The following NAV3 variants were observed in gnomAD, a reference collection of about 807,000 sequenced individuals.
NAV3 encodes pore membrane and/or filament interacting like protein 1.
NAV3 carries 87 observed loss-of-function variants against 244.7 expected under a neutral mutation model. That is an observed-to-expected ratio of 0.36 (90% CI 0.30 to 0.42). NAV3 has a LOEUF of 0.42. NAV3 is among the 20% of genes least tolerant of loss of function. The pLI, the probability that NAV3 is intolerant of heterozygous loss-of-function variation, is 1.00. For missense variants in NAV3, 2,663 were observed against 2,893.3 expected, an observed-to-expected ratio of 0.92 and a Z score of 1.83; for synonymous variants, 1,126 against 1,042.2, an observed-to-expected ratio of 1.08 and a Z score of -1.55.
At chr12:78,197,688 C>G (rs941101043) in intron 35 of NAV3, among the ~76,000 whole-genome samples, 1 of 151,790 alleles carries the variant, frequency 6.6e-6, no homozygotes, top group Non-Finnish European at 1.5e-5. Context: ...TAATATTATA[C>G]CACAGTTTTA....
intron 1 of NAV3, among the ~76,000 whole-genome samples, chr12:77,877,931 C>T (rs1882071244): frequency 6.6e-6 from 1 of 152,126 alleles, no homozygotes; most frequent in African/African-American, 2.4e-5. Flanking sequence ...AGGAAAGACA[C>T]TTTATCTCTG....
chr12:77,800,772 C>T (rs1438917969), intron 2 of NAV3, among the ~76,000 whole-genome samples: 2 of 152,052 alleles, frequency 1.3e-5, no homozygotes, highest in South Asian at 2.1e-4. Context: ...TTAGGAGATA[C>T]AGTTTTGTAA....
intron 2 of NAV3, among the ~76,000 whole-genome samples, chr12:77,743,512 T>TA (rs1263120918): frequency 1.3e-5 from 2 of 151,890 alleles, no homozygotes; most frequent in South Asian, 2.1e-4. Context: ...TATTCATAGA[T>TA]ACATCATTCA....
chr12:77,821,899 T>A (rs1366602103), intron 2 of NAV3, among the ~76,000 whole-genome samples: 1 of 152,122 alleles, frequency 6.6e-6, no homozygotes, highest in Non-Finnish European at 1.5e-5. Flanking sequence ...TAGGTTGCAT[T>A]TTTTTAGCAT....
chr12:77,741,148 C>CAAAAAAAAAAAAAAAAAAAAAAAAGAA, intron 2 of NAV3, among the ~76,000 whole-genome samples: 15 of 68,652 alleles, frequency 2.2e-4, no homozygotes, highest in Admixed American at 3.6e-4. Flanking sequence ...AAAAAAAAGA[C>CAAAAAAAAAAAAAAAAAAAAAAAAGAA]AAAAAAAAAA....
chr12:77,714,053 T>C (rs141335910), intron 2 of NAV3, among the ~76,000 whole-genome samples: 74 of 152,152 alleles, frequency 4.9e-4, no homozygotes, highest in African/African-American at 1.7e-3. Context: ...TTTTCTTAGC[T>C]TCTTCTGGGA....
chr12:77,879,667 C>T (rs889733633), intron 1 of NAV3, among the ~76,000 whole-genome samples: 3 of 96,038 alleles, frequency 3.1e-5, no homozygotes, highest in Admixed American at 1.7e-4. Context: ...GGCGAAAGAG[C>T]GAAGTGAAAC....
intron 2 of NAV3, among the ~76,000 whole-genome samples, chr12:77,818,599 C>T (rs1872610962): frequency 6.6e-6 from 1 of 152,018 alleles, no homozygotes. Context: ...ACATACTTTG[C>T]TTTCAATGAC....
intron 9 of NAV3, among the ~76,000 whole-genome samples, chr12:78,035,860 T>C (rs1879780982): frequency 1.3e-5 from 2 of 152,214 alleles, no homozygotes; most frequent in South Asian, 4.1e-4. Flanking sequence ...CATTATCTCC[T>C]AGCGGGTGGA....
At chr12:78,107,322 C>T (rs1384471311) in intron 12 of NAV3, among the ~76,000 whole-genome samples, 2 of 151,736 alleles carry the variant, frequency 1.3e-5, no homozygotes, top group African/African-American at 4.8e-5. Flanking sequence ...ATTAGAAAAC[C>T]CACTTAATTA....
At chr12:77,668,842 A>G (rs1221014136) in intron 2 of NAV3, among the ~76,000 whole-genome samples, 2 of 152,172 alleles carry the variant, frequency 1.3e-5, no homozygotes, top group Non-Finnish European at 2.9e-5. Flanking sequence ...CTACACACAT[A>G]GTCATCAGGT....
At chr12:77,664,710 C>T (rs1203094354) in intron 2 of NAV3, among the ~76,000 whole-genome samples, 1 of 152,034 alleles carries the variant, frequency 6.6e-6, no homozygotes, top group Non-Finnish European at 1.5e-5. Flanking sequence ...AGTATCTTAA[C>T]CCCACTTTGA....
At chr12:78,019,561 C>T (rs142607601) in intron 8 of NAV3, among the ~76,000 whole-genome samples, 2 of 152,016 alleles carry the variant, frequency 1.3e-5, no homozygotes, top group Non-Finnish European at 2.9e-5. Flanking sequence ...GCCTGATGAG[C>T]GAAATTAGGG....
At chr12:77,973,517 C>A (rs1893180904) in intron 5 of NAV3, among the ~76,000 whole-genome samples, 1 of 152,128 alleles carries the variant, frequency 6.6e-6, no homozygotes, top group Non-Finnish European at 1.5e-5. Flanking sequence ...ACTGTGAAAT[C>A]CCCGGGTACA....
intron 5 of NAV3, among the ~76,000 whole-genome samples, chr12:77,989,465 C>A (rs138113334): frequency 1.7e-4 from 26 of 152,194 alleles, no homozygotes; most frequent in East Asian, 3.9e-4. Flanking sequence ...AACCAACCAA[C>A]CAACCAAACA....
intron 34 of NAV3, among the ~76,000 whole-genome samples, chr12:78,194,247 A>T (rs1039660479): frequency 6.6e-6 from 1 of 152,054 alleles, no homozygotes; most frequent in African/African-American, 2.4e-5. Flanking sequence ...AACACATATT[A>T]TAAGTTTATC....
intron 1 of NAV3, among the ~76,000 whole-genome samples, chr12:77,904,085 G>A (rs570565850): frequency 5.3e-4 from 81 of 152,270 alleles, no homozygotes; most frequent in African/African-American, 1.8e-3. Context: ...AAGTCAGTGT[G>A]GCTATTCCTC....
intron 1 of NAV3, among the ~76,000 whole-genome samples, chr12:77,926,018 G>C (rs1457767465): frequency 6.6e-6 from 1 of 152,050 alleles, no homozygotes; most frequent in East Asian, 1.9e-4. Context: ...AATATTTTTT[G>C]AAAGTTGCTT....
chr12:77,852,062 A>G (rs942197480), intron 1 of NAV3, among the ~76,000 whole-genome samples: 1 of 152,232 alleles, frequency 6.6e-6, no homozygotes, highest in Non-Finnish European at 1.5e-5. Flanking sequence ...TTACTACAAT[A>G]GCAGAAATTG....
Sources: gnomAD v4.1 joint callset for allele counts (sites outside exome capture counted in the v4.1 genomes callset) on GRCh38, gnomAD v4.1.1 for gene constraint, MANE v1.5 for transcripts, NCBI Gene and HGNC (gene_info 2026-07-23, HGNC 2026-07-21) for gene names.